TAF1: variants seen among roughly 807,000 people sequenced by gnomAD.
TAF1 encodes the protein transcription initiation factor TFIID subunit 1.
A neutral mutation model predicts 138.5 loss-of-function variants in TAF1; 2 were observed. That is an observed-to-expected ratio of 0.01 (90% CI 0.01 to 0.05). The LOEUF (loss-of-function observed/expected upper bound fraction) is 0.05. TAF1 is among the 10% of genes least tolerant of loss of function. The pLI is 1.00. For synonymous variants in TAF1, 437 were observed against 503.2 expected (o/e 0.87, Z 1.76); for missense variants, 709 against 1,478.0 (o/e 0.48, Z 8.53).
chrX:71,437,819 A>C (rs1186113020), intron 32 of TAF1, among the ~76,000 whole-genome samples: 3 of 108,204 alleles, frequency 2.8e-5, no homozygotes, highest in African/African-American at 1.0e-4. Flanking sequence ...ATAATATAAA[A>C]ATTTGTCATT....
intron 32 of TAF1, among the ~76,000 whole-genome samples, chrX:71,445,449 G>A (rs2037649654): frequency 9.0e-6 from 1 of 111,537 alleles, no homozygotes; most frequent in African/African-American, 3.3e-5. Flanking sequence ...AGTATAGGTT[G>A]AAGTACTTTT....
Position 71,465,422 on chromosome X carries a change from C to T in TAF1, c.*1376C>T, listed in dbSNP as rs1261339825. 5 of 111,755 alleles carry T rather than the reference C, an allele frequency of 4.5e-5. No homozygotes were observed. In the Admixed American group the frequency reaches 4.8e-4, roughly 11 times the overall value. The allele number at this position is 111,755 out of a possible 1,213,427, so 9.2% of individuals were successfully genotyped here. Reference sequence around the variant, plus strand: ...GTAGAAGCTTGCCAGATGGAAAAGTCCAGGCAAAGTGTAACATGAATGGGA... The same window carrying T: ...GTAGAAGCTTGCCAGATGGAAAAGTTCAGGCAAAGTGTAACATGAATGGGA... On this transcript the variant is annotated 3_prime_UTR_variant, in exon 38 of 38. Coordinates refer to ENST00000423759, the MANE Select transcript of TAF1 (RefSeq NM_004606.5).
chrX:71,389,708 A>T, intron 18 of TAF1, 43 bp downstream of exon 18: 1 of 1,013,068 alleles, frequency 9.9e-7, no homozygotes, highest in Non-Finnish European at 1.4e-6. Context: ...AATACATCTC[A>T]TTTATCCTTT....
chrX:71,455,815 A>G (rs1286533052), intron 34 of TAF1, among the ~76,000 whole-genome samples: 1 of 112,151 alleles, frequency 8.9e-6, no homozygotes, highest in Non-Finnish European at 1.9e-5. Flanking sequence ...ATTTTTTTTC[A>G]TTCTATCCAG....
chrX:71,514,466 A>G (rs916044321), intron 13 of TAF1, among the ~76,000 whole-genome samples: 4 of 106,760 alleles, frequency 3.7e-5, no homozygotes, highest in African/African-American at 1.4e-4. Flanking sequence ...ACTAAACCAA[A>G]AAAAAAAAAA....
chrX:71,368,839 T>A (rs759872494), intron 3 of TAF1: 8 of 90,714 alleles, frequency 8.8e-5, no homozygotes, highest in Middle Eastern at 5.5e-3. Flanking sequence ...AAACCCAATA[T>A]AAAACAACTG....
intron 1 of TAF1, 36 bp downstream of exon 1, chrX:71,366,530 T>TGGGGCCGGGGGGGGG: frequency 7.5e-6 from 2 of 266,357 alleles, no homozygotes; most frequent in Non-Finnish European, 5.5e-6. Context: ...GCTCGGGGGG[T>TGGGGCCGGGGGGGGG]GGGGCTAAGC....
intron 32 of TAF1, among the ~76,000 whole-genome samples, chrX:71,453,031 G>A (rs912018372): frequency 1.8e-5 from 2 of 110,900 alleles, no homozygotes; most frequent in African/African-American, 3.3e-5. Context: ...GCTTCGGCTC[G>A]GCATCAGAGG....
At chrX:71,508,624 A>G (rs1370450394) in intron 13 of TAF1, among the ~76,000 whole-genome samples, 2 of 98,674 alleles carry the variant, frequency 2.0e-5, no homozygotes, top group African/African-American at 7.4e-5. Context: ...AAAAAAAAAG[A>G]AAAAAAAAAA....
Position 71,398,747 on chromosome X carries a change from A to G in TAF1, c.3786+10A>G. ...GCGTCCTGACCTAAAAGTAAGTATAATGTGGTGTGATTACAGCTAACGGAG... is the reference window on the plus strand; with the variant it reads ...GCGTCCTGACCTAAAAGTAAGTATAGTGTGGTGTGATTACAGCTAACGGAG... On this transcript the variant is annotated intron_variant, in intron 24 of 37. Coordinates refer to ENST00000423759, the MANE Select transcript of TAF1 (RefSeq NM_004606.5). 2 of 1,186,671 alleles carry G rather than the reference A, an allele frequency of 1.7e-6. No individual in the cohort carries two copies. Among genetic ancestry groups the G allele is most frequent in the Non-Finnish European group, 1.1e-6 (1 of 885,793 alleles).
intron 1 of TAF1, among the ~76,000 whole-genome samples, chrX:71,366,835 C>T (rs566716364): frequency 3.6e-5 from 4 of 111,469 alleles, no homozygotes; most frequent in African/African-American, 6.5e-5. Context: ...TTGACACTGC[C>T]TGCCCCTCTG....
chrX:71,482,111 G>A (rs1185744215), intron 13 of TAF1, among the ~76,000 whole-genome samples: 2 of 111,585 alleles, frequency 1.8e-5, no homozygotes, highest in Non-Finnish European at 3.8e-5. Flanking sequence ...GGCTGCTTTA[G>A]TTCTAGTAAT....
chrX:71,508,082 C>CTA lies in TAF1; in HGVS notation c.1367-20459_1367-20458insAT, dbSNP rs1418464171. Among the ~76,000 whole-genome samples, 19 of 95,793 alleles carry CTA rather than the reference C, an allele frequency of 2.0e-4. No homozygotes were observed. The East Asian group carries it at 2.6e-3, about 13-fold the overall frequency. The allele number at this position is 95,793 out of a possible 115,157, so 83.2% of individuals were successfully genotyped here. ...ATATGAATATTCTCTCTCTCTCTCT[C>CTA]TCTCTATATATATATATATATATAT... is the stretch of plus-strand genomic sequence containing the variant. On this transcript the variant is annotated intron_variant and NMD_transcript_variant, in intron 13 of 14. Transcript: ENST00000373775.
At position 71,462,815 on chromosome X, in the gene TAF1, C is replaced by T. The variant is rs183509548; in HGVS notation, c.5400-1009C>T. Among the ~76,000 whole-genome samples, 6 of 111,339 alleles carry T rather than the reference C, an allele frequency of 5.4e-5. No homozygotes were observed. The East Asian group carries it at 1.7e-3, about 31-fold the overall frequency. Reference sequence around the variant, plus strand: ...CATCATAAATAAAAACATTTAAAAACGTGCATCCCCTTTGGCCCAAAAAAT... The same window carrying T: ...CATCATAAATAAAAACATTTAAAAATGTGCATCCCCTTTGGCCCAAAAAAT... On this transcript the variant is annotated intron_variant, in intron 37 of 37. Coordinates refer to ENST00000423759, the MANE Select transcript of TAF1 (RefSeq NM_004606.5).
At chrX:71,381,204 A>G (rs1293624707) in intron 8 of TAF1, among the ~76,000 whole-genome samples, 4 of 112,526 alleles carry the variant, frequency 3.6e-5, no homozygotes, top group African/African-American at 1.3e-4. Flanking sequence ...CATTTAGGCT[A>G]TTTAAATTTC....
intron 37 of TAF1, among the ~76,000 whole-genome samples, chrX:71,461,240 C>G (rs767756534): frequency 9.0e-6 from 1 of 111,120 alleles, no homozygotes; most frequent in African/African-American, 3.3e-5. Flanking sequence ...TTCAAAGACA[C>G]AGAAGTAGAA....
intron 17 of TAF1, 26 bp from the exon 18 acceptor site, chrX:71,389,559 T>C (rs746424002): frequency 3.5e-5 from 41 of 1,169,603 alleles, no homozygotes; most frequent in African/African-American, 5.4e-5. Flanking sequence ...ACTGACTGAT[T>C]TATGCATGGA....
intron 13 of TAF1, among the ~76,000 whole-genome samples, chrX:71,514,463 C>CAAA (rs990209662): frequency 1.0e-4 from 4 of 39,756 alleles, no homozygotes; most frequent in African/African-American, 1.9e-4. Context: ...AAAACTAAAC[C>CAAA]AAAAAAAAAA....
intron 8 of TAF1, 95 bp downstream of exon 8, chrX:71,379,126 T>TTTTTTTTTTTTTC (rs2033687652): frequency 1.1e-6 from 1 of 880,881 alleles, no homozygotes; most frequent in African/African-American, 2.2e-5. Context: ...TTTTTTTTTT[T>TTTTTTTTTTTTTC]TTCGGTGAGA....
Sources: allele counts gnomAD v4.1 joint callset (sites outside exome capture counted in the v4.1 genomes callset), GRCh38; gene constraint gnomAD v4.1.1; transcripts MANE v1.5; gene names NCBI Gene and HGNC (gene_info 2026-07-23, HGNC 2026-07-21).